RNF214: variants seen among roughly 807,000 people sequenced by gnomAD.
The protein encoded by RNF214 is ring finger protein 214.
A neutral mutation model predicts 75.9 loss-of-function variants in RNF214; 25 were observed. The observed-to-expected ratio is 0.33, with a 90% CI of 0.24 to 0.46. The LOEUF (loss-of-function observed/expected upper bound fraction) is 0.46. Ranked by LOEUF, RNF214 falls within the 20% of genes least tolerant of loss-of-function variation. RNF214 has a pLI of 1.00. For missense variants in RNF214, 725 were observed against 857.5 expected, an observed-to-expected ratio of 0.85 and a Z score of 1.93; for synonymous variants, 314 against 308.8, an observed-to-expected ratio of 1.02 and a Z score of -0.18.
At chr11:117,253,181 T>C (rs1372983177) in intron 6 of RNF214, among the ~76,000 whole-genome samples, 1 of 152,074 alleles carries the variant, frequency 6.6e-6, no homozygotes, top group African/African-American at 2.4e-5. Flanking sequence ...CCCATCTAAG[T>C]TTTTCTGTTT....
chr11:117,276,507 T>C (rs995943251), intron 6 of RNF214, among the ~76,000 whole-genome samples: 2 of 152,166 alleles, frequency 1.3e-5, no homozygotes, highest in Admixed American at 1.3e-4. Context: ...TACTCAGGAA[T>C]TTGAGGTGGG....
rs2034196534 is a variant in RNF214, at chr11:117,284,311, C to T, written c.2047-775C>T. 3.3e-5 allele frequency among the ~76,000 whole-genome samples: 5 copies of T among 152,164 alleles called. No individual in the cohort carries two copies. The South Asian group carries it at 1.0e-3, about 31-fold the overall frequency. ...AGTCATTCCTATTTTTTTATGTTGC[C>T]AGCAGAGTTAAGTCTCTTAGTAGCA... On this transcript the variant is annotated intron_variant, in intron 14 of 14. Coordinates refer to ENST00000300650, the MANE Select transcript of RNF214 (RefSeq NM_207343.4).
intron 3 of RNF214, chr11:117,239,326 A>C: frequency 1.7e-6 from 1 of 573,202 alleles, no homozygotes; most frequent in Non-Finnish European, 3.1e-6. Flanking sequence ...GTCTAATCTT[A>C]TGGCAAGTAG....
intron 6 of RNF214, among the ~76,000 whole-genome samples, chr11:117,263,118 T>G (rs937732818): frequency 6.6e-6 from 1 of 152,014 alleles, no homozygotes; most frequent in Non-Finnish European, 1.5e-5. Context: ...CTTTTTTTTT[T>G]TCCTTTTTAT....
chr11:117,247,230 C>T (rs1439913968), intron 6 of RNF214, among the ~76,000 whole-genome samples: 1 of 152,174 alleles, frequency 6.6e-6, no homozygotes, highest in Non-Finnish European at 1.5e-5. Flanking sequence ...CGGCTCACAC[C>T]TATAATCCCA....
intron 6 of RNF214, among the ~76,000 whole-genome samples, chr11:117,249,651 T>C (rs2033318161): frequency 6.6e-6 from 1 of 152,210 alleles, no homozygotes; most frequent in African/African-American, 2.4e-5. Flanking sequence ...TTACAGTTCT[T>C]GGAGGCTGGA....
chr11:117,285,504 C>A lies in RNF214; in HGVS notation c.*353C>A. Reference sequence around the variant, plus strand: ...CTGCTGTTGCTCTAAGGCCATTCTGCTTTGGTTTGGCTCAGCCTCTAGTCC... The same window carrying A: ...CTGCTGTTGCTCTAAGGCCATTCTGATTTGGTTTGGCTCAGCCTCTAGTCC... On this transcript the variant is annotated 3_prime_UTR_variant, in exon 15 of 15. Coordinates refer to ENST00000300650, the MANE Select transcript of RNF214 (RefSeq NM_207343.4). The A allele has an allele frequency of 5.6e-6, 1 of 180,164 alleles. No individual in the cohort carries two copies. The highest frequency in any genetic ancestry group is 1.2e-5 in the Non-Finnish European group (1 of 86,004). 11.2% of individuals were successfully genotyped at this position (180,164 alleles called of 1,614,324 possible).
intron 6 of RNF214, among the ~76,000 whole-genome samples, chr11:117,250,581 T>G (rs2033345107): frequency 6.8e-6 from 1 of 147,018 alleles, no homozygotes; most frequent in Admixed American, 7.0e-5. Context: ...AGACATTCAT[T>G]TTATTATTTT....
chr11:117,242,330 G>A (rs914913358), intron 4 of RNF214, among the ~76,000 whole-genome samples: 4 of 152,154 alleles, frequency 2.6e-5, no homozygotes, highest in Admixed American at 1.3e-4. Context: ...TTTGGTGCAA[G>A]TTGAAGAAAT....
chr11:117,240,745 T>C (rs891948755), intron 4 of RNF214, among the ~76,000 whole-genome samples: 1 of 148,226 alleles, frequency 6.7e-6, no homozygotes, highest in Admixed American at 6.7e-5. Context: ...AAAAACCTTA[T>C]AACTTCTTGC....
intron 4 of RNF214, among the ~76,000 whole-genome samples, chr11:117,242,851 C>G (rs959982576): frequency 2.0e-5 from 3 of 152,192 alleles, no homozygotes; most frequent in Admixed American, 6.5e-5. Flanking sequence ...GAGACTCTGT[C>G]TCAGAAAAGA....
intron 6 of RNF214, among the ~76,000 whole-genome samples, chr11:117,266,243 A>G (rs2033793301): frequency 6.6e-6 from 1 of 152,024 alleles, no homozygotes; most frequent in African/African-American, 2.4e-5. Context: ...AGTTTTCAGC[A>G]GTTTGACTTT....
chr11:117,280,509 A>G (rs2034105113), intron 8 of RNF214, among the ~76,000 whole-genome samples: 1 of 152,176 alleles, frequency 6.6e-6, no homozygotes, highest in East Asian at 1.9e-4. Flanking sequence ...CCATTTGGAT[A>G]AACACTATCT....
chr11:117,251,031 G>A (rs1389594162), intron 6 of RNF214, among the ~76,000 whole-genome samples: 4 of 149,274 alleles, frequency 2.7e-5, no homozygotes, highest in African/African-American at 9.9e-5. Context: ...CACAGACACG[G>A]CAACCATCCA....
chr11:117,285,202 G>A lies in RNF214; in HGVS notation c.*51G>A, dbSNP rs370127097. 27 of 1,259,398 alleles carry A rather than the reference G, an allele frequency of 2.1e-5. No homozygotes were observed. Among genetic ancestry groups the A allele is most frequent in the African/African-American group, 1.2e-4 (8 of 67,552 alleles). 78.0% of individuals were successfully genotyped at this position (1,259,398 alleles called of 1,614,324 possible). A position where few individuals can be genotyped will look rare whatever the true frequency, so the allele number is the denominator to read the frequency against. On this transcript the variant is annotated 3_prime_UTR_variant, in exon 15 of 15. Coordinates refer to ENST00000300650, the MANE Select transcript of RNF214 (RefSeq NM_207343.4). ...AGAGAAACTGATGTGAACAGGAAGC[G>A]CGGGTTCAAGATTTCTAAAACTCTA... is the stretch of plus-strand genomic sequence containing the variant.
At position 117,247,180 on chromosome 11, in the gene RNF214, T is replaced by C. The variant is rs371330702; in HGVS notation, c.959+232T>C. ...GAAATAATAACAGTTAATTGTTGAG[T>C]CCCAAGTGTGGTCAAGAGTTCGATA... is the stretch of plus-strand genomic sequence containing the variant. On this transcript the variant is annotated intron_variant, in intron 6 of 14. Transcript: ENST00000300650. Among the ~76,000 whole-genome samples, 204 of 152,246 alleles carry C rather than the reference T, an allele frequency of 1.3e-3. 1 individual carries two copies. The highest frequency in any genetic ancestry group is 4.7e-3 in the African/African-American group (197 of 41,530).
chr11:117,248,572 C>T (rs1010554674), intron 6 of RNF214, among the ~76,000 whole-genome samples: 1 of 152,150 alleles, frequency 6.6e-6, no homozygotes, highest in African/African-American at 2.4e-5. Context: ...AATTGTGAAG[C>T]TCAACATGAG....
In RNF214 at chr11:117,265,067, C is replaced by CAA. The variant is rs879708710; in HGVS notation, c.960-14825_960-14824dup. Among the ~76,000 whole-genome samples the CAA allele has an allele frequency of 6.8e-3, 825 of 121,180 alleles. 15 individuals carry two copies. The highest frequency in any genetic ancestry group is 0.024 in the African/African-American group (789 of 33,384). The allele number at this position is 121,180 out of a possible 152,430, so 79.5% of individuals were successfully genotyped here. ...TGGGCAACAGAGTGAGACTCTATCT[C>CAA]AAAAAAAAAAAAAAAAATTGGTTCT... On this transcript the variant is annotated intron_variant, in intron 6 of 14. Transcript: ENST00000300650.
chr11:117,279,264 C>G (rs2034077716), intron 6 of RNF214, among the ~76,000 whole-genome samples: 3 of 149,158 alleles, frequency 2.0e-5, no homozygotes, highest in Admixed American at 1.3e-4. Flanking sequence ...GGCTTTTGTT[C>G]TAAGATGCAG....
Sources: allele counts gnomAD v4.1 joint callset (sites outside exome capture counted in the v4.1 genomes callset), GRCh38; gene constraint gnomAD v4.1.1; transcripts MANE v1.5; gene names NCBI Gene and HGNC (gene_info 2026-07-23, HGNC 2026-07-21).